The following PREX1 variants were observed in gnomAD, a reference collection of about 807,000 sequenced individuals.
The protein encoded by PREX1 is phosphatidylinositol 3,4,5-trisphosphate-dependent Rac exchanger 1 protein.
A neutral mutation model predicts 198.3 loss-of-function variants in PREX1; 41 were observed. That is an observed-to-expected ratio of 0.21 (90% CI 0.16 to 0.27). The LOEUF (loss-of-function observed/expected upper bound fraction) is 0.27, where lower values mean the gene tolerates loss of function less well. Among genes scored for constraint, PREX1 ranks in the 10% least tolerant of loss-of-function variants. The probability of loss-of-function intolerance (pLI) is 1.00; values close to 1 mark genes in which losing one functional copy is unlikely to be tolerated. For synonymous variants in PREX1, 843 were observed against 887.2 expected (o/e 0.95, Z 0.89); for missense variants, 1,620 against 2,200.7 (o/e 0.74, Z 5.28).
At chr20:48,826,381 T>C (rs890925458) in intron 1 of PREX1, among the ~76,000 whole-genome samples, 2 of 150,616 alleles carry the variant, frequency 1.3e-5, no homozygotes, top group Non-Finnish European at 3.0e-5. Context: ...CCTAGGAGAG[T>C]AGGGAAGTGG....
rs368535194 is a variant in PREX1, at chr20:48,661,375, C to T, written c.1739-1314G>A. ...TGGAGGTTGCAGTGAGCTGAGATCA[C>T]GCCATTGCACTCCAGCATGGGCAAC... On this transcript the variant is annotated intron_variant, in intron 15 of 39. Transcript: ENST00000371941. Among the ~76,000 whole-genome samples, 9 of 126,954 alleles carry T rather than the reference C, an allele frequency of 7.1e-5. No homozygotes were observed. In the East Asian group the frequency reaches 1.5e-3, roughly 21 times the overall value. The allele number at this position is 126,954 out of a possible 152,430, so 83.3% of individuals were successfully genotyped here. A position where few individuals can be genotyped will look rare whatever the true frequency, so the allele number is the denominator to read the frequency against.
In PREX1 at chr20:48,766,665, G is replaced by C. The variant is rs577217240; in HGVS notation, c.220-18785C>G. Among the ~76,000 whole-genome samples the C allele has an allele frequency of 3.3e-5, 5 of 152,314 alleles. No individual in the cohort carries two copies. The South Asian group carries it at 1.0e-3, about 32-fold the overall frequency. On this transcript the variant is annotated intron_variant, in intron 1 of 39. Transcript: ENST00000371941. Reference sequence around the variant, plus strand: ...TCAGGGCCCAGGAAACCCATGCATAGGCTCCCATACTTAGTGCCACCATGA... The same window carrying C: ...TCAGGGCCCAGGAAACCCATGCATACGCTCCCATACTTAGTGCCACCATGA...
chr20:48,652,888 G>A (rs1049891326), intron 20 of PREX1, among the ~76,000 whole-genome samples, 182 bp from the exon 21 acceptor site: 2 of 152,172 alleles, frequency 1.3e-5, no homozygotes, highest in Non-Finnish European at 2.9e-5. Context: ...GTGAAAATGT[G>A]AGGCAGGGAC....
At chr20:48,678,755 C>A (rs528139225) in intron 13 of PREX1, among the ~76,000 whole-genome samples, 1 of 152,312 alleles carries the variant, frequency 6.6e-6, no homozygotes, top group South Asian at 2.1e-4. Context: ...CATACCTCCA[C>A]GATTGAGAGG....
At chr20:48,755,397 G>C (rs1217763446) in intron 1 of PREX1, among the ~76,000 whole-genome samples, 2 of 152,158 alleles carry the variant, frequency 1.3e-5, no homozygotes, top group Non-Finnish European at 2.9e-5. Context: ...TTAAAAATAA[G>C]GACTGTATTT....
Position 48,659,947 on chromosome 20 carries a change from A to G in PREX1, c.1853T>C (p.Val618Ala). 1 of 1,614,200 alleles carries G rather than the reference A, an allele frequency of 6.2e-7. No individual in the cohort carries two copies. Among genetic ancestry groups the G allele is most frequent in the Non-Finnish European group, 8.5e-7 (1 of 1,180,040 alleles). The part of the protein sequence containing the change: ...NKQLRNDFKL[V>A]ENILAKRLLI... ...CAGGCGCTTGGCCAGAATGTTCTCC[A>G]CCAGCTTGAAGTCGTTGCGAAGCTG... is the stretch of plus-strand genomic sequence containing the variant. The change falls in exon 16 of 40, where the codon GTG becomes GCG. Residue 618 changes from valine (V) to alanine (A), a missense_variant. Coordinates refer to ENST00000371941, the MANE Select transcript of PREX1 (RefSeq NM_020820.4).
At chr20:48,662,395 T>A (rs182803411) in intron 15 of PREX1, among the ~76,000 whole-genome samples, 9 of 152,362 alleles carry the variant, frequency 5.9e-5, no homozygotes, top group Non-Finnish European at 1.0e-4. Context: ...TCGAGGCTGC[T>A]GGTCCGGCTT....
the PREX1 span, among the ~76,000 whole-genome samples, chr20:48,851,462 A>T: frequency 7.2e-5 from 11 of 152,310 alleles, no homozygotes; most frequent in African/African-American, 2.6e-4. Context: ...AGCTGAGATC[A>T]CGCCATTGCA....
intron 6 of PREX1, among the ~76,000 whole-genome samples, chr20:48,702,449 G>A (rs114893269): frequency 0.023 from 3,445 of 152,338 alleles, 148 homozygotes; most frequent in African/African-American, 0.078. Flanking sequence ...TTTGGGGAAT[G>A]GAGTCTTCCC....
At chr20:48,755,578 T>C (rs1374885084) in intron 1 of PREX1, among the ~76,000 whole-genome samples, 1 of 152,200 alleles carries the variant, frequency 6.6e-6, no homozygotes, top group Non-Finnish European at 1.5e-5. Flanking sequence ...GCAAATGCGA[T>C]GCCTGGAAGT....
intron 1 of PREX1, among the ~76,000 whole-genome samples, chr20:48,764,295 A>G (rs2090198093): frequency 6.6e-6 from 1 of 152,236 alleles, no homozygotes; most frequent in Non-Finnish European, 1.5e-5. Flanking sequence ...AGAGGCCCCA[A>G]CAGCCCTTGA....
chr20:48,716,799 C>A (rs1023674739), intron 5 of PREX1, among the ~76,000 whole-genome samples: 6 of 152,184 alleles, frequency 3.9e-5, no homozygotes, highest in African/African-American at 1.2e-4. Flanking sequence ...AAGGCATGCT[C>A]TCCTCTCCCT....
chr20:48,627,468 G>A (rs2089281962), intron 39 of PREX1, 80 bp downstream of exon 39: 1 of 1,492,640 alleles, frequency 6.7e-7, no homozygotes, highest in Non-Finnish European at 9.3e-7. Context: ...TAGGGGTTAG[G>A]CCAGGAGCAT....
rs780482607 is a variant in PREX1 at position 48,637,714 on chromosome 20, T to A, written c.3943A>T (p.Thr1315Ser). Residue 1315 changes from threonine to serine, a missense_variant, in exon 31 of 40, where the codon ACA becomes TCA. Thr to Ser is a moderately conservative substitution (Grantham distance 58). Coordinates refer to ENST00000371941, the MANE Select transcript of PREX1 (RefSeq NM_020820.4). ...CACACACCTTTAAAGGCCTCACCTG[T>A]GCACTTCAGCAAGGCCAGGAGCAGC... ...NQLLLALLKC[T>S]DTELQLRRDA... The A allele has an allele frequency of 1.8e-5, 29 of 1,611,158 alleles. No individual in the cohort carries two copies. Among genetic ancestry groups the A allele is most frequent in the Non-Finnish European group, 2.4e-5 (28 of 1,178,980 alleles).
intron 1 of PREX1, among the ~76,000 whole-genome samples, chr20:48,784,778 C>T (rs2122936406): frequency 6.6e-6 from 1 of 152,342 alleles, no homozygotes; most frequent in Admixed American, 6.5e-5. Flanking sequence ...CCCACAGCAG[C>T]TCCTTCCCAC....
At chr20:48,644,669 G>T (rs112783523) in intron 26 of PREX1, among the ~76,000 whole-genome samples, 172 bp from the exon 27 acceptor site, 1 of 152,272 alleles carries the variant, frequency 6.6e-6, no homozygotes, top group East Asian at 1.9e-4. Flanking sequence ...AGGGAAGGCC[G>T]GCCTGGTGGG....
upstream of PREX1, among the ~76,000 whole-genome samples, chr20:48,828,984 C>T (rs988610321): frequency 1.3e-5 from 2 of 152,198 alleles, no homozygotes; most frequent in Non-Finnish European, 2.9e-5. Context: ...ACTTGCTGGC[C>T]GGGTGGCCTT....
At chr20:48,887,680 T>C in the PREX1 span, among the ~76,000 whole-genome samples, 1 of 146,802 alleles carries the variant, frequency 6.8e-6, no homozygotes, top group Admixed American at 6.8e-5. Flanking sequence ...GGTGCGGTGA[T>C]TCACGCCTGT....
chr20:48,818,582 T>C (rs1307196099), intron 1 of PREX1, among the ~76,000 whole-genome samples: 1 of 152,214 alleles, frequency 6.6e-6, no homozygotes, highest in Non-Finnish European at 1.5e-5. Flanking sequence ...CGGCTGCGCG[T>C]CCTCAGGTAC....
Sources: gnomAD v4.1 joint callset for allele counts (sites outside exome capture counted in the v4.1 genomes callset) on GRCh38, gnomAD v4.1.1 for gene constraint, MANE v1.5 for transcripts, NCBI Gene and HGNC (gene_info 2026-07-23, HGNC 2026-07-21) for gene names.